GRAMD1A: variants seen among roughly 807,000 people sequenced by gnomAD.
GRAMD1A encodes the protein GRAM domain containing 1A.
GRAMD1A carries 50 observed loss-of-function variants against 92.0 expected under a neutral mutation model. That is an observed-to-expected ratio of 0.54 (90% CI 0.43 to 0.69). The LOEUF (loss-of-function observed/expected upper bound fraction) is 0.69. Among genes scored for constraint, GRAMD1A ranks in the 30% least tolerant of loss-of-function variants. GRAMD1A has a pLI of 0.00. For missense variants in GRAMD1A, 819 were observed against 978.9 expected (o/e 0.84, Z 2.18); for synonymous variants, 405 against 403.6 (o/e 1.00, Z -0.04).
chr19:35,017,980 A>ATATTTATT (rs34956636), intron 11 of GRAMD1A, among the ~76,000 whole-genome samples: 73 of 150,738 alleles, frequency 4.8e-4, no homozygotes, highest in Middle Eastern at 6.8e-3. Flanking sequence ...TCATTAACAC[A>ATATTTATT]TATTTATTTA....
At chr19:35,022,809 A>C (rs893775255) in intron 16 of GRAMD1A, 91 bp from the exon 17 acceptor site, 4 of 1,389,896 alleles carry the variant, frequency 2.9e-6, no homozygotes, top group Non-Finnish European at 3.9e-6. Context: ...GCTCTCAGCC[A>C]AGAGCTGCCC....
At position 35,000,587 on chromosome 19, in the gene GRAMD1A, C is replaced by A; in HGVS notation, c.8+101C>A. On this transcript the variant is annotated intron_variant, in intron 1 of 19. Coordinates refer to ENST00000317991, the MANE Select transcript of GRAMD1A (RefSeq NM_020895.5). The surrounding 1 kb of genome is among the most constrained non-coding windows in gnomAD (Gnocchi z 4.9). ...TGGGGAGGGGGCGGAGCGGCCGCTG[C>A]AGAGGTCGGGGGCCTCTGCACATGG... 1.2e-6 allele frequency: 1 copy of A among 864,244 alleles called. No homozygotes were observed. Among genetic ancestry groups the A allele is most frequent in the Non-Finnish European group, 1.5e-6 (1 of 674,258 alleles). The allele number at this position is 864,244 out of a possible 1,614,324, so 53.5% of individuals were successfully genotyped here. A position where few individuals can be genotyped will look rare whatever the true frequency, so the allele number is the denominator to read the frequency against.
chr19:35,025,917 C>G, intron 19 of GRAMD1A, 132 bp from the exon 20 acceptor site: 1 of 656,332 alleles, frequency 1.5e-6, no homozygotes, highest in East Asian at 2.7e-5. Flanking sequence ...GCTCTTTTCA[C>G]CAAGGGACCC....
Position 35,013,442 on chromosome 19 carries a change from G to T in GRAMD1A, c.719+74G>T. 6.6e-7 allele frequency: 1 copy of T among 1,524,324 alleles called. No homozygotes were observed. The highest frequency in any genetic ancestry group is 1.7e-5 in the Admixed American group (1 of 58,562). 94.4% of individuals were successfully genotyped at this position (1,524,324 alleles called of 1,614,324 possible). ...GGTCGGCGTGCAGAGTTCCTGGAGT[G>T]CTGGGGGGCCTGAGATGGTTGTATG... On this transcript the variant is annotated intron_variant, in intron 8 of 19. Transcript: ENST00000317991. The surrounding 1 kb of genome is among the most constrained non-coding windows in gnomAD (Gnocchi z 4.9).
chr19:35,005,099 G>A (rs117600342), intron 1 of GRAMD1A, among the ~76,000 whole-genome samples: 2,638 of 152,064 alleles, frequency 0.017, 40 homozygotes, highest in Admixed American at 0.028. Context: ...GGCGGGGAAG[G>A]AGGGCCGATC....
upstream of GRAMD1A, among the ~76,000 whole-genome samples, chr19:34,996,666 G>C (rs573476563): frequency 2.6e-5 from 4 of 152,118 alleles, no homozygotes; most frequent in Admixed American, 6.5e-5. Context: ...ATTAGCCAGC[G>C]ATGGTGATGG....
intron 13 of GRAMD1A, among the ~76,000 whole-genome samples, chr19:35,020,269 T>C (rs2015953673): frequency 6.6e-6 from 1 of 152,166 alleles, no homozygotes; most frequent in South Asian, 2.1e-4. Context: ...CCAGGTGCAG[T>C]GGCTTACGCC....
chr19:35,009,529 G>A (rs2015068420), intron 3 of GRAMD1A, 86 bp downstream of exon 3: 1 of 1,396,908 alleles, frequency 7.2e-7, no homozygotes, highest in Non-Finnish European at 1.0e-6. Flanking sequence ...GTCAAGGAGT[G>A]CGTGCTGAGA....
chr19:35,022,225 G>C (rs1025012802), intron 16 of GRAMD1A, among the ~76,000 whole-genome samples, 187 bp downstream of exon 16: 3 of 152,132 alleles, frequency 2.0e-5, no homozygotes, highest in Non-Finnish European at 2.9e-5. Context: ...TTCCCTGCTA[G>C]AACAGCAGAG....
At chr19:35,008,055 G>A (rs967047422) in intron 1 of GRAMD1A, among the ~76,000 whole-genome samples, 6 of 152,154 alleles carry the variant, frequency 3.9e-5, no homozygotes, top group East Asian at 3.9e-4. Flanking sequence ...TAGGCCAGGC[G>A]CGGTGGCTCA....
chr19:35,014,588 C>G (rs2015491102), intron 10 of GRAMD1A: 3 of 599,174 alleles, frequency 5.0e-6, no homozygotes, highest in African/African-American at 1.9e-5. Context: ...AGACTGAAGG[C>G]AGCTTGCCGC....
chr19:35,012,747 C>T lies in GRAMD1A; in HGVS notation c.607-509C>T, dbSNP rs556366918. Among the ~76,000 whole-genome samples the T allele has an allele frequency of 5.9e-5, 9 of 152,326 alleles. No homozygotes were observed. The South Asian group carries it at 1.0e-3, about 18-fold the overall frequency. On this transcript the variant is annotated intron_variant, in intron 7 of 19. Transcript: ENST00000317991. ...CTTTGGTAGACGAAGACGGGCGGAT[C>T]GTGGTGCCCACGAGGTCAGGAGTTC...
upstream of GRAMD1A, among the ~76,000 whole-genome samples, chr19:34,997,035 C>T (rs936799848): frequency 3.3e-5 from 5 of 152,204 alleles, no homozygotes; most frequent in South Asian, 1.0e-3. Flanking sequence ...CCCCCCTCCA[C>T]CCAGCAGCTG....
At chr19:35,001,602 CTCT>C (rs766116814) in intron 1 of GRAMD1A, among the ~76,000 whole-genome samples, 10 of 151,718 alleles carry the variant, frequency 6.6e-5, no homozygotes, top group Non-Finnish European at 1.3e-4. Context: ...CTCTGAAACG[CTCT>C]TCTTTTTTTT....
chr19:35,009,024 C>T (rs971586610), intron 1 of GRAMD1A, 95 bp from the exon 2 acceptor site: 21 of 799,934 alleles, frequency 2.6e-5, no homozygotes, highest in South Asian at 1.4e-4. Flanking sequence ...GGTGTGTATT[C>T]GGGGATCAAT....
chr19:35,023,560 G>A lies in GRAMD1A; in HGVS notation c.2082+13G>A, dbSNP rs377309133. 210 of 1,562,808 alleles carry A rather than the reference G, an allele frequency of 1.3e-4. 1 individual carries two copies. The Middle Eastern group carries it at 4.7e-3, about 35-fold the overall frequency. On this transcript the variant is annotated intron_variant, in intron 19 of 19. Transcript: ENST00000317991. ...GCTCCTGGATGAGGTAGGAGGCGCC[G>A]CTCGGGCAGGGCTCGGGGCTGCGGG...
At chr19:34,995,571 G>GTTTTTTT (rs59556577), upstream of GRAMD1A, among the ~76,000 whole-genome samples, 1 of 93,652 alleles carries the variant, frequency 1.1e-5, no homozygotes, top group Non-Finnish European at 2.2e-5. Context: ...CAGATCACGG[G>GTTTTTTT]TTTTTTTTTT....
chr19:35,025,384 C>T (rs77992361), intron 19 of GRAMD1A: 20,768 of 152,294 alleles, frequency 0.14, 1,560 homozygotes, highest in Middle Eastern at 0.19. Flanking sequence ...GCTGGGATTA[C>T]AGGCACCCGC....
chr19:35,010,177 C>A lies in GRAMD1A; in HGVS notation c.411C>A (p.Ile137=), dbSNP rs779978018. 1.1e-5 allele frequency: 18 copies of A among 1,612,870 alleles called. No homozygotes were observed. In the Middle Eastern group the frequency reaches 6.6e-4, roughly 59 times the overall value. The part of the protein sequence containing the change: ...SENWICFYSN[I]FRWETTISIQ... ...ACTGGATCTGCTTCTACAGCAACAT[C>A]TTCCGCTGGGAGACCACGGTGAGCC... is the stretch of plus-strand genomic sequence containing the variant. The change falls in exon 5 of 20, where the codon ATC becomes ATA. Residue 137 remains isoleucine, a synonymous_variant. Transcript: ENST00000317991.
Sources: gnomAD v4.1 joint callset for allele counts (sites outside exome capture counted in the v4.1 genomes callset) on GRCh38, gnomAD v4.1.1 for gene constraint, Gnocchi (gnomAD v3.1) non-coding constraint, MANE v1.5 for transcripts, NCBI Gene and HGNC (gene_info 2026-07-23, HGNC 2026-07-21) for gene names.